C16orf87: variants seen among roughly 807,000 people sequenced by gnomAD.
C16orf87 encodes HDAC and MIER1 interacting protein 1.
C16orf87 carries 13 observed loss-of-function variants against 21.0 expected under a neutral mutation model. The ratio of observed to expected loss-of-function variants is 0.62; its 90% CI spans 0.40 to 0.98. C16orf87 has a LOEUF of 0.98. Among genes scored for constraint, C16orf87 ranks in the 50% least tolerant of loss-of-function variants. C16orf87 has a pLI of 0.00. For synonymous variants in C16orf87, 49 were observed against 60.2 expected, an observed-to-expected ratio of 0.81 and a Z score of 0.86; for missense variants, 113 against 180.4, an observed-to-expected ratio of 0.63 and a Z score of 2.14.
rs1330976204 is a variant in C16orf87 at position 46,801,933 on chromosome 16, A to C, written c.*1019T>G. Reference sequence around the variant, plus strand: ...ATATGCCAAAATGCAAAAGCATTTAATATAAATCAACTATAAACGATTATG... The same window carrying C: ...ATATGCCAAAATGCAAAAGCATTTACTATAAATCAACTATAAACGATTATG... On this transcript the variant is annotated 3_prime_UTR_variant, in exon 4 of 4. Coordinates refer to ENST00000285697, the MANE Select transcript of C16orf87 (RefSeq NM_001001436.4). The C allele has an allele frequency of 1.3e-5, 2 of 152,242 alleles. No homozygotes were observed. Among genetic ancestry groups the C allele is most frequent in the Non-Finnish European group, 2.9e-5 (2 of 68,038 alleles). 9.4% of individuals were successfully genotyped at this position (152,242 alleles called of 1,614,324 possible).
At chr16:46,824,758 T>C (rs977815337) in intron 1 of C16orf87, among the ~76,000 whole-genome samples, 1 of 150,118 alleles carries the variant, frequency 6.7e-6, no homozygotes, top group Non-Finnish European at 1.5e-5. Flanking sequence ...CTCCACCTCC[T>C]GAGTTCAAGT....
At chr16:46,829,028 A>G (rs1296222741) in intron 1 of C16orf87, among the ~76,000 whole-genome samples, 1 of 152,200 alleles carries the variant, frequency 6.6e-6, no homozygotes, top group African/African-American at 2.4e-5. Flanking sequence ...CTCGACATCC[A>G]AATTCATATA....
intron 1 of C16orf87, among the ~76,000 whole-genome samples, chr16:46,824,722 G>A (rs1011040316): frequency 4.8e-5 from 7 of 146,570 alleles, no homozygotes; most frequent in African/African-American, 1.8e-4. Context: ...CTGGAGTGCA[G>A]TGGCATGATC....
In C16orf87 at chr16:46,800,898, C is replaced by T. The variant is rs1967750827; in HGVS notation, c.*2054G>A. 1 of 152,180 alleles carries T rather than the reference C, an allele frequency of 6.6e-6. No individual in the cohort carries two copies. The highest frequency in any genetic ancestry group is 2.4e-5 in the African/African-American group (1 of 41,442). The allele number at this position is 152,180 out of a possible 1,614,324, so 9.4% of individuals were successfully genotyped here. A position where few individuals can be genotyped will look rare whatever the true frequency, so the allele number is the denominator to read the frequency against. On this transcript the variant is annotated 3_prime_UTR_variant, in exon 4 of 4. Coordinates refer to ENST00000285697, the MANE Select transcript of C16orf87 (RefSeq NM_001001436.4). Reference sequence around the variant, plus strand: ...AGCCAATAATTTAACATTATGAGATCTGAAGTAATTACTTTTCTATACGGC... The same window carrying T: ...AGCCAATAATTTAACATTATGAGATTTGAAGTAATTACTTTTCTATACGGC...
At chr16:46,814,813 TGA>T (rs1968192968) in intron 2 of C16orf87, among the ~76,000 whole-genome samples, 1 of 152,140 alleles carries the variant, frequency 6.6e-6, no homozygotes, top group African/African-American at 2.4e-5. Flanking sequence ...ATGCATACCT[TGA>T]GAGATCTGAA....
intron 3 of C16orf87, among the ~76,000 whole-genome samples, chr16:46,803,444 T>G (rs1456396866): frequency 6.6e-6 from 1 of 152,174 alleles, no homozygotes; most frequent in African/African-American, 2.4e-5. Context: ...TACATTAACA[T>G]ATTCATCTTC....
chr16:46,824,539 C>G, intron 1 of C16orf87, 57 bp from the exon 2 acceptor site: 1 of 745,610 alleles, frequency 1.3e-6, no homozygotes, highest in South Asian at 1.9e-5. Flanking sequence ...TTAAATTTCT[C>G]AGTGTCTATG....
At chr16:46,803,160 A>G (rs1967827210) in intron 3 of C16orf87, 90 bp from the exon 4 acceptor site, 2 of 627,928 alleles carry the variant, frequency 3.2e-6, no homozygotes, top group African/African-American at 1.9e-5. Context: ...TCTTTAAATG[A>G]CAGTATTATA....
At chr16:46,816,585 T>C (rs1968249495) in intron 2 of C16orf87, among the ~76,000 whole-genome samples, 1 of 151,948 alleles carries the variant, frequency 6.6e-6, no homozygotes, top group Non-Finnish European at 1.5e-5. Context: ...TGACAGAAAG[T>C]AAAGAAAAAT....
At chr16:46,825,823 A>T (rs1209760809) in intron 1 of C16orf87, among the ~76,000 whole-genome samples, 1 of 151,462 alleles carries the variant, frequency 6.6e-6, no homozygotes, top group Non-Finnish European at 1.5e-5. Context: ...CTGAGGCAGG[A>T]GAATCGCTTG....
chr16:46,812,982 G>A (rs910548515), intron 2 of C16orf87, among the ~76,000 whole-genome samples: 8 of 151,910 alleles, frequency 5.3e-5, no homozygotes, highest in Admixed American at 1.3e-4. Flanking sequence ...CCTCCTAATC[G>A]CCTTTGCTGT....
rs1406397245 is a variant in C16orf87 at position 46,830,939 on chromosome 16, G to T, written c.66+145C>A. The T allele has an allele frequency of 6.3e-6, 3 of 474,672 alleles. No homozygotes were observed. The South Asian group carries it at 1.4e-4, about 23-fold the overall frequency. 29.4% of individuals were successfully genotyped at this position (474,672 alleles called of 1,614,324 possible). A position where few individuals can be genotyped will look rare whatever the true frequency, so the allele number is the denominator to read the frequency against. ...CCCGGGAAACCCCTCGGTGCAGCCCGACCGGCCCCGGATCCCCGCCGCCGC... is the reference window on the plus strand; with the variant it reads ...CCCGGGAAACCCCTCGGTGCAGCCCTACCGGCCCCGGATCCCCGCCGCCGC... On this transcript the variant is annotated intron_variant, in intron 1 of 3. Coordinates refer to ENST00000285697, the MANE Select transcript of C16orf87 (RefSeq NM_001001436.4).
At chr16:46,812,550 A>G (rs1968122779) in intron 2 of C16orf87, among the ~76,000 whole-genome samples, 1 of 152,158 alleles carries the variant, frequency 6.6e-6, no homozygotes, top group Admixed American at 6.5e-5. Context: ...AGGGTTGGTC[A>G]TTTTCTACTT....
At chr16:46,828,503 C>T (rs1037625068) in intron 1 of C16orf87, among the ~76,000 whole-genome samples, 2 of 152,034 alleles carry the variant, frequency 1.3e-5, no homozygotes, top group African/African-American at 2.4e-5. Flanking sequence ...GGATATGAAA[C>T]CCCTTGAAAA....
At chr16:46,830,308 G>GACAC (rs72292263) in intron 1 of C16orf87, among the ~76,000 whole-genome samples, 1 of 23,012 alleles carries the variant, frequency 4.3e-5, no homozygotes, top group East Asian at 9.5e-4. Context: ...GAGAGAGAGA[G>GACAC]ACACACAGAG....
intron 2 of C16orf87, among the ~76,000 whole-genome samples, chr16:46,819,221 A>G (rs929980639): frequency 2.0e-5 from 3 of 152,130 alleles, no homozygotes; most frequent in Non-Finnish European, 4.4e-5. Flanking sequence ...CACCCTCCAC[A>G]GTTAACATCA....
At chr16:46,824,094 A>C (rs1204879384) in intron 2 of C16orf87, among the ~76,000 whole-genome samples, 1 of 152,202 alleles carries the variant, frequency 6.6e-6, no homozygotes, top group Non-Finnish European at 1.5e-5. Context: ...TTTTTTTAAA[A>C]AGTTTTTATA....
chr16:46,809,221 A>G (rs1377970009), intron 3 of C16orf87, among the ~76,000 whole-genome samples: 1 of 151,732 alleles, frequency 6.6e-6, no homozygotes, highest in Non-Finnish European at 1.5e-5. Context: ...CTGGAGTTTA[A>G]GGCTGCAGTG....
chr16:46,831,078 A>C lies in C16orf87; in HGVS notation c.66+6T>G. The C allele has an allele frequency of 1.3e-6, 2 of 1,562,648 alleles. No homozygotes were observed. Among genetic ancestry groups the C allele is most frequent in the Non-Finnish European group, 1.7e-6 (2 of 1,152,710 alleles). On this transcript the variant is annotated splice_donor_region_variant and intron_variant, in intron 1 of 3. Transcript: ENST00000285697. ...CCCGCCCGCGCGCCCGGCCCCCGGC[A>C]CCCACCTGTTGGTCGCACTCGGGGC...
Sources: allele counts gnomAD v4.1 joint callset (sites outside exome capture counted in the v4.1 genomes callset), GRCh38; gene constraint gnomAD v4.1.1; transcripts MANE v1.5; gene names NCBI Gene and HGNC (gene_info 2026-07-23, HGNC 2026-07-21).